Variants in PARVA observed in about 807,000 individuals in gnomAD.
The protein encoded by PARVA is parvin alpha.
In PARVA, 25 loss-of-function variants were observed where a neutral mutation model predicts 52.6. The observed-to-expected ratio is 0.48, with a 90% CI of 0.35 to 0.66. The LOEUF (loss-of-function observed/expected upper bound fraction) is 0.66. Ranked by LOEUF, PARVA falls within the 30% of genes least tolerant of loss-of-function variation. The pLI is 0.01. For synonymous variants in PARVA, 185 were observed against 179.1 expected (o/e 1.03, Z -0.26); for missense variants, 373 against 450.9 (o/e 0.83, Z 1.56).
intron 4 of PARVA, among the ~76,000 whole-genome samples, chr11:12,494,908 C>G (rs1941279161): frequency 6.6e-6 from 1 of 152,148 alleles, no homozygotes; most frequent in African/African-American, 2.4e-5. Flanking sequence ...AAGATAAGAC[C>G]AGAAGGTTCT....
chr11:12,392,860 AT>A (rs1239426588), intron 1 of PARVA, among the ~76,000 whole-genome samples: 1 of 152,046 alleles, frequency 6.6e-6, no homozygotes, highest in African/African-American at 2.4e-5. Context: ...TCCTTCACTC[AT>A]TTTTTAACCC....
chr11:12,442,686 C>G (rs931538169), intron 1 of PARVA, among the ~76,000 whole-genome samples: 1 of 151,958 alleles, frequency 6.6e-6, no homozygotes, highest in African/African-American at 2.4e-5. Context: ...ACCAGGCCCA[C>G]TGAGAATCCA....
intron 1 of PARVA, among the ~76,000 whole-genome samples, chr11:12,382,920 C>T (rs960466580): frequency 1.2e-4 from 19 of 152,188 alleles, no homozygotes; most frequent in African/African-American, 4.6e-4. Context: ...TTAAAATTGA[C>T]AACTCAATTT....
intron 1 of PARVA, among the ~76,000 whole-genome samples, chr11:12,461,476 A>C (rs1274373980): frequency 1.3e-5 from 2 of 152,234 alleles, no homozygotes; most frequent in Non-Finnish European, 2.9e-5. Context: ...AAAAGATAAC[A>C]GGGTATGGCA....
rs182542135 is a variant in PARVA, at chr11:12,513,926, T to G, written c.799-71T>G. The G allele has an allele frequency of 6.6e-3, 9,318 of 1,410,758 alleles. 51 individuals are homozygous for G. The highest frequency in any genetic ancestry group is 8.3e-3 in the Non-Finnish European group (8,334 of 1,001,298). 87.4% of individuals were successfully genotyped at this position (1,410,758 alleles called of 1,614,324 possible). On this transcript the variant is annotated intron_variant, in intron 9 of 12. Coordinates refer to ENST00000334956, the MANE Select transcript of PARVA (RefSeq NM_018222.5). ...ACCCTCACCCTTGCCCTCACGGGAG[T>G]CACGGAGCAGCCACAGGCTCCTGCA...
At chr11:12,440,342 A>AG (rs919385436) in intron 1 of PARVA, among the ~76,000 whole-genome samples, 22 of 152,262 alleles carry the variant, frequency 1.4e-4, no homozygotes, top group African/African-American at 4.8e-4. Context: ...AGAGAAGCTA[A>AG]GGGGGAGAGT....
Position 12,491,146 on chromosome 11 carries a change from A to G in PARVA, c.401-5312A>G, listed in dbSNP as rs138998957. 6.9e-3 allele frequency among the ~76,000 whole-genome samples: 1,053 copies of G among 152,284 alleles called. 9 individuals carry two copies. Among genetic ancestry groups the G allele is most frequent in the Middle Eastern group, 0.02 (6 of 294 alleles). ...CAAATAACAAAACAAATTCTTGCCAAATACTATATACAAGAGATAGTTTTG... is the reference window on the plus strand; with the variant it reads ...CAAATAACAAAACAAATTCTTGCCAGATACTATATACAAGAGATAGTTTTG... On this transcript the variant is annotated intron_variant, in intron 4 of 12. Coordinates refer to ENST00000334956, the MANE Select transcript of PARVA (RefSeq NM_018222.5).
In PARVA at chr11:12,533,722, A is replaced by C. The variant is rs1941800390; in HGVS notation, c.*5797A>C. 6.6e-6 allele frequency among the ~76,000 whole-genome samples: 1 copy of C among 152,172 alleles called. No individual in the cohort carries two copies. Among genetic ancestry groups the C allele is most frequent in the Non-Finnish European group, 1.5e-5 (1 of 68,036 alleles). On this transcript the variant is annotated 3_prime_UTR_variant, in exon 13 of 13. Coordinates refer to ENST00000334956, the MANE Select transcript of PARVA (RefSeq NM_018222.5). ...TAGAGAAAAAATGTTACTAAGAAAA[A>C]CATAAGCAAGAGAAAATATATTTAC...
At chr11:12,376,518 AAC>A (rs1364873840), upstream of PARVA, among the ~76,000 whole-genome samples, 1 of 152,222 alleles carries the variant, frequency 6.6e-6, no homozygotes, top group East Asian at 1.9e-4. Flanking sequence ...AACTTCTGAC[AAC>A]AGTCTCTCCA....
At position 12,444,518 on chromosome 11, in the gene PARVA, C is replaced by T. The variant is rs933161563; in HGVS notation, c.137-29227C>T. ...GGAGTGCAGTGACAAGATCAAAACT[C>T]GCTGCAGCCTGGAACTCCTGGGTTC... On this transcript the variant is annotated intron_variant, in intron 1 of 12. Transcript: ENST00000334956. 3.3e-5 allele frequency among the ~76,000 whole-genome samples: 5 copies of T among 152,136 alleles called. No homozygotes were observed. In the South Asian group the frequency reaches 6.2e-4, roughly 19 times the overall value.
At chr11:12,448,617 C>CAGTG (rs1940579546) in intron 1 of PARVA, among the ~76,000 whole-genome samples, 1 of 152,170 alleles carries the variant, frequency 6.6e-6, no homozygotes, top group Non-Finnish European at 1.5e-5. Flanking sequence ...TGGAATGAAG[C>CAGTG]AGTGCCCTGG....
rs975107158 is a variant in PARVA at position 12,533,025 on chromosome 11, G to C, written c.*5100G>C. On this transcript the variant is annotated 3_prime_UTR_variant, in exon 13 of 13. Coordinates refer to ENST00000334956, the MANE Select transcript of PARVA (RefSeq NM_018222.5). ...ATGGTCCTGGCTGGGGAGCGGAGGA[G>C]ACCAGGAGAGGAGATCAGACCTCTG... is the stretch of plus-strand genomic sequence containing the variant. Among the ~76,000 whole-genome samples the C allele has an allele frequency of 1.3e-5, 2 of 152,178 alleles. No individual in the cohort carries two copies. The highest frequency in any genetic ancestry group is 4.8e-5 in the African/African-American group (2 of 41,440).
At chr11:12,444,585 C>T (rs1193741033) in intron 1 of PARVA, among the ~76,000 whole-genome samples, 1 of 152,060 alleles carries the variant, frequency 6.6e-6, no homozygotes, top group African/African-American at 2.4e-5. Flanking sequence ...GCTGGGACTA[C>T]AGGCATGCAT....
At chr11:12,377,363 C>T, upstream of PARVA, 1 of 1,306,508 alleles carries the variant, frequency 7.7e-7, no homozygotes. Flanking sequence ...CACACGTCCT[C>T]CTGTCCTGCA....
intron 1 of PARVA, among the ~76,000 whole-genome samples, chr11:12,466,129 T>C (rs1940851388): frequency 6.6e-6 from 1 of 152,230 alleles, no homozygotes. Context: ...CTCTTTGCTA[T>C]ATGTACATCT....
In PARVA at chr11:12,377,793, G is replaced by C. The variant is rs1353169264; in HGVS notation, c.136+10G>C. ...AAGAAAGCCAAGGAGGGTGAGTGCGGCCAGGCCGGCCGGGCGGGCGGTAGG... is the reference window on the plus strand; with the variant it reads ...AAGAAAGCCAAGGAGGGTGAGTGCGCCCAGGCCGGCCGGGCGGGCGGTAGG... On this transcript the variant is annotated intron_variant, in intron 1 of 12. Transcript: ENST00000334956. 2 of 1,481,762 alleles carry C rather than the reference G, an allele frequency of 1.3e-6. No homozygotes were observed. The highest frequency in any genetic ancestry group is 5.1e-5 in the Admixed American group (2 of 38,912). The allele number at this position is 1,481,762 out of a possible 1,614,324, so 91.8% of individuals were successfully genotyped here.
intron 1 of PARVA, among the ~76,000 whole-genome samples, chr11:12,428,561 C>T (rs1940270733): frequency 6.6e-6 from 1 of 152,196 alleles, no homozygotes; most frequent in Non-Finnish European, 1.5e-5. Flanking sequence ...GAGTCCCTGG[C>T]ATAGTATCTG....
At chr11:12,445,198 T>TTTATG (rs1357055100) in intron 1 of PARVA, among the ~76,000 whole-genome samples, 1 of 152,024 alleles carries the variant, frequency 6.6e-6, no homozygotes, top group Non-Finnish European at 1.5e-5. Context: ...ATAACTACAG[T>TTTATG]TTAATAAAGG....
intron 8 of PARVA, among the ~76,000 whole-genome samples, chr11:12,512,977 C>T (rs1398296181): frequency 6.6e-6 from 1 of 152,142 alleles, no homozygotes; most frequent in African/African-American, 2.4e-5. Context: ...AACACCTGAA[C>T]AATAGCTACG....
Sources: gnomAD v4.1 joint callset for allele counts (sites outside exome capture counted in the v4.1 genomes callset) on GRCh38, gnomAD v4.1.1 for gene constraint, MANE v1.5 for transcripts, NCBI Gene and HGNC (gene_info 2026-07-23, HGNC 2026-07-21) for gene names.